RIN2: variants seen among roughly 807,000 people sequenced by gnomAD.
The protein encoded by RIN2 is RAB5 interacting protein 2.
In RIN2, 36 loss-of-function variants were observed where a neutral mutation model predicts 78.0. That is an observed-to-expected ratio of 0.46 (90% CI 0.35 to 0.61). The LOEUF (loss-of-function observed/expected upper bound fraction) is 0.61, where lower values mean the gene tolerates loss of function less well. Among genes scored for constraint, RIN2 ranks in the 20% least tolerant of loss-of-function variants. The pLI is 0.00. For synonymous variants in RIN2, 466 were observed against 466.8 expected (o/e 1.00, Z 0.02); for missense variants, 1,087 against 1,159.7 (o/e 0.94, Z 0.91).
At chr20:19,850,990 AAAGGAAGGAAGGAAGGAAGG>A (rs199637524) in intron 2 of RIN2, among the ~76,000 whole-genome samples, 4,244 of 99,312 alleles carry the variant, frequency 0.043, 134 homozygotes, top group African/African-American at 0.069. Flanking sequence ...GAAAGGGAGA[AAAGGAAGGAAGGAAGGAAGG>A]AAGGAAGGAA....
intron 11 of RIN2, among the ~76,000 whole-genome samples, chr20:19,996,205 T>A (rs1299365459): frequency 6.6e-6 from 1 of 152,094 alleles, no homozygotes; most frequent in Admixed American, 6.5e-5. Flanking sequence ...TCCGAGCCAC[T>A]CGGGAGGCTG....
At chr20:19,884,860 G>A (rs924114360) in intron 2 of RIN2, among the ~76,000 whole-genome samples, 2 of 152,116 alleles carry the variant, frequency 1.3e-5, no homozygotes, top group Admixed American at 6.5e-5. Context: ...CTGGTTAAGC[G>A]ACCAGGCAAA....
At chr20:19,833,218 T>G (rs1433414246) in intron 2 of RIN2, among the ~76,000 whole-genome samples, 1 of 152,068 alleles carries the variant, frequency 6.6e-6, no homozygotes, top group African/African-American at 2.4e-5. Context: ...TCTCCTGATA[T>G]GCTGGTCTTG....
At position 19,975,657 on chromosome 20, in the gene RIN2, G is replaced by A; in HGVS notation, c.1632G>A (p.Lys544=). ...ACGTGAGCTTCCTGCAGGAGAACAA[G>A]GAGTGCCACGTGTCCAGCACCGACA... ...QDYVSFLQEN[K]ECHVSSTDML... The change falls in exon 9 of 13, where the codon AAG becomes AAA. Residue 544 remains lysine, a synonymous_variant. Transcript: ENST00000255006. The surrounding 1 kb of genome is among the most constrained non-coding windows in gnomAD (Gnocchi z 4.9). The A allele has an allele frequency of 1.9e-6, 3 of 1,613,784 alleles. No individual in the cohort carries two copies. The highest frequency in any genetic ancestry group is 1.7e-6 in the Non-Finnish European group (2 of 1,179,888).
intron 2 of RIN2, among the ~76,000 whole-genome samples, chr20:19,884,565 A>G (rs982831375): frequency 6.6e-6 from 1 of 152,150 alleles, no homozygotes; most frequent in Admixed American, 6.5e-5. Flanking sequence ...TCAAACTTAA[A>G]ATTTTTTTTT....
chr20:19,922,023 G>A (rs2039946495), intron 3 of RIN2, among the ~76,000 whole-genome samples: 1 of 152,130 alleles, frequency 6.6e-6, no homozygotes, highest in Admixed American at 6.5e-5. Flanking sequence ...ATGCCACCAT[G>A]CCCAGCTAAT....
chr20:19,940,360 G>A (rs894796889), intron 4 of RIN2, among the ~76,000 whole-genome samples: 6 of 152,176 alleles, frequency 3.9e-5, no homozygotes, highest in Non-Finnish European at 7.3e-5. Flanking sequence ...CTTGCAGGTG[G>A]CCACCAACCG....
chr20:19,800,404 C>G (rs557926527), intron 2 of RIN2, among the ~76,000 whole-genome samples: 13 of 152,218 alleles, frequency 8.5e-5, no homozygotes, highest in Non-Finnish European at 1.6e-4. Flanking sequence ...TATTTTCCCT[C>G]TCCTTGAATC....
Position 19,956,627 on chromosome 20 carries a change from CA to C in RIN2, c.173del (p.Lys58ArgfsTer11). The C allele has an allele frequency of 6.2e-7, 1 of 1,613,280 alleles. No homozygotes were observed. Among genetic ancestry groups the C allele is most frequent in the Non-Finnish European group, 8.5e-7 (1 of 1,179,632 alleles). On this transcript the variant is annotated frameshift_variant, in exon 5 of 13. Coordinates refer to ENST00000255006, the MANE Select transcript of RIN2 (RefSeq NM_018993.4). LOFTEE classifies it high-confidence loss of function. ...PAETHSMVRHKDGGYSEEEDV... is the reference protein window; with the variant it reads ...PAETHSMVRHXDGGYSEEEDV... ...CTCTTTCTCCTAGCATGGTAAGACACAAGGATGGTGGCTATTCCGAGGAAGA... is the reference window on the plus strand; with the variant it reads ...CTCTTTCTCCTAGCATGGTAAGACACAGGATGGTGGCTATTCCGAGGAAGA...
rs575740949 is a variant in RIN2 at position 19,986,121 on chromosome 20, T to G, written c.1763-3885T>G. ...ATGGAGAGTAGTAATTTATGAGAAATGTGACCAATTTGTTCTTTCCTCTTT... is the reference window on the plus strand; with the variant it reads ...ATGGAGAGTAGTAATTTATGAGAAAGGTGACCAATTTGTTCTTTCCTCTTT... On this transcript the variant is annotated intron_variant, in intron 9 of 12. Coordinates refer to ENST00000255006, the MANE Select transcript of RIN2 (RefSeq NM_018993.4). 6.0e-4 allele frequency among the ~76,000 whole-genome samples: 92 copies of G among 152,342 alleles called. No individual in the cohort carries two copies. In the South Asian group the frequency reaches 0.018, roughly 31 times the overall value.
Position 19,974,762 on chromosome 20 carries a change from T to C in RIN2, c.737T>C (p.Ile246Thr), listed in dbSNP as rs1314292573. 3 of 1,613,886 alleles carry C rather than the reference T, an allele frequency of 1.9e-6. No homozygotes were observed. Among genetic ancestry groups the C allele is most frequent in the East Asian group, 2.2e-5 (1 of 44,882 alleles). Residue 246 changes from isoleucine (I) to threonine (T), a missense_variant, in exon 9 of 13, where the codon ATA (isoleucine) becomes ACA (threonine). Physicochemically the swap from Ile to Thr is moderately conservative, Grantham distance 89. Around this residue, in one of 8 missense-constraint regions of RIN2, gnomAD observed 706 missense variants for 667.5 expected, o/e 1.06. Coordinates refer to ENST00000255006, the MANE Select transcript of RIN2 (RefSeq NM_018993.4). ...CPASLRQLCL[I>T]NGVHSIKTRT... Reference sequence around the variant, plus strand: ...GCCTCCCTGCGTCAGCTCTGCCTTATAAATGGAGTGCATTCTATCAAAACC... The same window carrying C: ...GCCTCCCTGCGTCAGCTCTGCCTTACAAATGGAGTGCATTCTATCAAAACC...
chr20:19,838,317 G>A (rs1038863785), intron 2 of RIN2, among the ~76,000 whole-genome samples: 1 of 152,158 alleles, frequency 6.6e-6, no homozygotes, highest in African/African-American at 2.4e-5. Flanking sequence ...AAGTTTAAGA[G>A]TGATGTTAAT....
intron 1 of RIN2, among the ~76,000 whole-genome samples, chr20:19,766,746 C>T (rs1186489203): frequency 6.6e-6 from 1 of 151,940 alleles, no homozygotes; most frequent in Non-Finnish European, 1.5e-5. Flanking sequence ...TATGGTGAAA[C>T]CCCATCTCTA....
chr20:19,869,213 G>T (rs761215432), intron 2 of RIN2, among the ~76,000 whole-genome samples: 1 of 152,064 alleles, frequency 6.6e-6, no homozygotes, highest in Non-Finnish European at 1.5e-5. Flanking sequence ...TGCAAATAAA[G>T]GTTTGAATGA....
intron 2 of RIN2, among the ~76,000 whole-genome samples, chr20:19,828,459 G>A (rs574764132): frequency 6.6e-5 from 10 of 152,202 alleles, no homozygotes; most frequent in Admixed American, 2.0e-4. Context: ...GAATATGTGC[G>A]GACAGCTGAG....
At chr20:19,852,426 C>T (rs943345220) in intron 2 of RIN2, among the ~76,000 whole-genome samples, 2 of 152,154 alleles carry the variant, frequency 1.3e-5, no homozygotes, top group Admixed American at 6.5e-5. Context: ...TCCTGTCATC[C>T]GCTCAGTGTA....
At chr20:19,995,261 T>TTAAA (rs1555811955) in intron 11 of RIN2, among the ~76,000 whole-genome samples, 62 of 122,700 alleles carry the variant, frequency 5.1e-4, no homozygotes, top group African/African-American at 1.9e-3. Context: ...GTTTTTTTTT[T>TTAAA]AAAAAAAAAA....
chr20:19,811,895 A>G (rs1264760558), intron 2 of RIN2, among the ~76,000 whole-genome samples: 1 of 152,166 alleles, frequency 6.6e-6, no homozygotes, highest in Non-Finnish European at 1.5e-5. Context: ...CACAAAATTT[A>G]CCTATTTTAA....
At chr20:19,942,035 GA>G (rs1298369028) in intron 4 of RIN2, among the ~76,000 whole-genome samples, 1 of 150,912 alleles carries the variant, frequency 6.6e-6, no homozygotes, top group Non-Finnish European at 1.5e-5. Context: ...GCTTGAACCT[GA>G]AAGATGGAGG....
Sources: allele counts gnomAD v4.1 joint callset (sites outside exome capture counted in the v4.1 genomes callset), GRCh38; gene constraint gnomAD v4.1.1; regional missense constraint gnomAD v4.1.1; non-coding constraint Gnocchi (gnomAD v3.1); transcripts MANE v1.5; gene names NCBI Gene and HGNC (gene_info 2026-07-23, HGNC 2026-07-21).